CACNA1C: variants seen among roughly 807,000 people sequenced by gnomAD.
CACNA1C encodes the protein voltage-dependent L-type calcium channel subunit alpha-1C.
CACNA1C carries 30 observed loss-of-function variants against 229.0 expected under a neutral mutation model. The observed-to-expected ratio is 0.13, with a 90% confidence interval of 0.10 to 0.18. CACNA1C has a LOEUF of 0.18. Ranked by LOEUF, CACNA1C falls within the 10% of genes least tolerant of loss-of-function variation. The pLI, the probability that CACNA1C is intolerant of heterozygous loss-of-function variation, is 1.00. For missense variants in CACNA1C, 1,658 were observed against 2,845.0 expected (o/e 0.58, Z 9.49); for synonymous variants, 1,114 against 1,132.5 (o/e 0.98, Z 0.33).
At chr12:2,088,134 C>T (rs981935156) in intron 1 of CACNA1C, among the ~76,000 whole-genome samples, 1 of 152,230 alleles carries the variant, frequency 6.6e-6, no homozygotes, top group African/African-American at 2.4e-5. Context: ...TACATAAGTA[C>T]AACATCCTAT....
rs750527210 is a variant in CACNA1C at position 2,518,266 on chromosome 12, A to C, written c.1390+5282A>C. 3.9e-4 allele frequency among the ~76,000 whole-genome samples: 60 copies of C among 152,220 alleles called. 1 individual carries two copies. The highest frequency in any genetic ancestry group is 7.6e-4 in the Non-Finnish European group (52 of 68,042). On this transcript the variant is annotated intron_variant, in intron 9 of 46. Coordinates refer to ENST00000399655, the MANE Select transcript of CACNA1C (RefSeq NM_000719.7). ...GCAGTAACCTGAATATCGCTGATTT[A>C]CATTATTTTATATGTGTCAAGGGCA...
intron 3 of CACNA1C, among the ~76,000 whole-genome samples, chr12:2,216,242 T>G (rs1248457021): frequency 6.6e-6 from 1 of 152,216 alleles, no homozygotes; most frequent in African/African-American, 2.4e-5. Context: ...GGATATGGAC[T>G]GGGACCACAT....
intron 3 of CACNA1C, among the ~76,000 whole-genome samples, chr12:2,405,233 T>C (rs1322083462): frequency 2.0e-5 from 3 of 152,206 alleles, no homozygotes; most frequent in Non-Finnish European, 4.4e-5. Flanking sequence ...CCCCCAATAG[T>C]CACACCATAT....
chr12:1,976,127 C>T (rs549895685), intron 1 of CACNA1C, among the ~76,000 whole-genome samples: 1 of 152,268 alleles, frequency 6.6e-6, no homozygotes, highest in South Asian at 2.1e-4. Flanking sequence ...AGATCCCTTC[C>T]TTTCAGCCTA....
rs1277518402 is a variant in CACNA1C at position 2,268,311 on chromosome 12, G to A, written c.477+147881G>A. ...AGCCAACTCACCGGCAGGATCCAGC[G>A]AGATCCAGGCTCGGTGGCTGGAACA... On this transcript the variant is annotated intron_variant, in intron 3 of 46. Coordinates refer to ENST00000399655, the MANE Select transcript of CACNA1C (RefSeq NM_000719.7). Among the ~76,000 whole-genome samples the A allele has an allele frequency of 3.3e-5, 5 of 152,166 alleles. No individual in the cohort carries two copies. The South Asian group carries it at 6.2e-4, about 19-fold the overall frequency.
chr12:2,171,838 A>C (rs780951513), intron 3 of CACNA1C, among the ~76,000 whole-genome samples: 1 of 152,122 alleles, frequency 6.6e-6, no homozygotes, highest in Non-Finnish European at 1.5e-5. Flanking sequence ...GGCCTCCCCG[A>C]GGGAATTCCA....
chr12:2,565,443 C>T (rs551756214), intron 11 of CACNA1C, among the ~76,000 whole-genome samples: 35 of 148,164 alleles, frequency 2.4e-4, no homozygotes, highest in South Asian at 8.7e-4. Flanking sequence ...GTCCGCAGTC[C>T]GGCCTGGGCG....
chr12:2,361,641 G>A (rs748109061), intron 3 of CACNA1C, among the ~76,000 whole-genome samples: 1 of 152,212 alleles, frequency 6.6e-6, no homozygotes, highest in Non-Finnish European at 1.5e-5. Context: ...GGGACAGGAT[G>A]ACCATGGGGC....
chr12:2,258,886 T>C (rs1335498515), intron 3 of CACNA1C, among the ~76,000 whole-genome samples: 17 of 152,210 alleles, frequency 1.1e-4, no homozygotes, highest in Non-Finnish European at 1.5e-5. Context: ...AAATCTCCCT[T>C]AAAAAGTAAT....
Position 2,588,483 on chromosome 12 carries a change from G to T in CACNA1C, c.2530+2579G>T, listed in dbSNP as rs377465645. On this transcript the variant is annotated intron_variant, in intron 18 of 46. Coordinates refer to ENST00000399655, the MANE Select transcript of CACNA1C (RefSeq NM_000719.7). ...CTCTCCCTCTCTCCTGGGCTGTCCA[G>T]ATTGCACCCAAAGTGATGTATCAGA... is the stretch of plus-strand genomic sequence containing the variant. Among the ~76,000 whole-genome samples the T allele has an allele frequency of 3.3e-4, 50 of 152,342 alleles. 2 individuals are homozygous for T. The highest frequency in any genetic ancestry group is 1.2e-3 in the African/African-American group (48 of 41,580).
intron 29 of CACNA1C, among the ~76,000 whole-genome samples, chr12:2,617,035 T>A (rs767174702): frequency 1.3e-5 from 2 of 152,244 alleles, no homozygotes; most frequent in Non-Finnish European, 2.9e-5. Flanking sequence ...TCTTGTCTGC[T>A]TTGAAGCCCC....
intron 39 of CACNA1C, 33 bp downstream of exon 39, chr12:2,674,675 A>G (rs2096714401): frequency 6.5e-7 from 1 of 1,531,700 alleles, no homozygotes; most frequent in African/African-American, 1.4e-5. Flanking sequence ...CACCTTGGCC[A>G]CTGCCTGGCC....
intron 7 of CACNA1C, among the ~76,000 whole-genome samples, chr12:2,495,973 C>A (rs1166302501): frequency 6.6e-6 from 1 of 152,236 alleles, no homozygotes; most frequent in African/African-American, 2.4e-5. Context: ...CCCTCTCCCT[C>A]TTCCTTTCTC....
chr12:2,641,233 G>A (rs1022596877), intron 30 of CACNA1C, among the ~76,000 whole-genome samples: 1 of 152,190 alleles, frequency 6.6e-6, no homozygotes, highest in Non-Finnish European at 1.5e-5. Flanking sequence ...TTGAGCACCC[G>A]CTGTGTGATG....
At chr12:2,358,477 C>T (rs1008087207) in intron 3 of CACNA1C, among the ~76,000 whole-genome samples, 1 of 152,192 alleles carries the variant, frequency 6.6e-6, no homozygotes, top group Non-Finnish European at 1.5e-5. Flanking sequence ...CTCTGGGCCA[C>T]ACCTAGTAAG....
intron 3 of CACNA1C, among the ~76,000 whole-genome samples, chr12:2,224,610 T>C (rs1030986425): frequency 2.5e-4 from 38 of 152,286 alleles, no homozygotes; most frequent in African/African-American, 8.9e-4. Flanking sequence ...AAGATGACTT[T>C]GGAGGTCAGG....
chr12:2,494,605 C>T (rs1171818052), intron 7 of CACNA1C, among the ~76,000 whole-genome samples: 2 of 152,194 alleles, frequency 1.3e-5, no homozygotes, highest in Non-Finnish European at 2.9e-5. Context: ...AAATGCTTCC[C>T]GTTGAGCAGA....
intron 11 of CACNA1C, among the ~76,000 whole-genome samples, chr12:2,562,720 T>C (rs2048159848): frequency 6.6e-6 from 1 of 152,200 alleles, no homozygotes; most frequent in African/African-American, 2.4e-5. Context: ...CATTTAGAAA[T>C]CATAACGTTT....
chr12:1,979,124 T>G (rs904508590), intron 1 of CACNA1C, among the ~76,000 whole-genome samples: 3 of 152,008 alleles, frequency 2.0e-5, no homozygotes, highest in African/African-American at 7.3e-5. Flanking sequence ...GAAATTCTCC[T>G]GCCTCAGGCT....
Sources: allele counts gnomAD v4.1 joint callset (sites outside exome capture counted in the v4.1 genomes callset), GRCh38; gene constraint gnomAD v4.1.1; transcripts MANE v1.5; gene names NCBI Gene and HGNC (gene_info 2026-07-23, HGNC 2026-07-21).